SLC25A13: variants seen among roughly 807,000 people sequenced by gnomAD.
SLC25A13 encodes solute carrier family 25 member 13.
SLC25A13 carries 70 observed loss-of-function variants against 85.5 expected under a neutral mutation model. That is an observed-to-expected ratio of 0.82 (90% confidence interval 0.68 to 1.00). The LOEUF is 1.00. Among genes scored for constraint, SLC25A13 ranks in the 50% least tolerant of loss-of-function variants. SLC25A13 has a pLI of 0.00. For synonymous variants in SLC25A13, 259 were observed against 288.7 expected (o/e 0.90, Z 1.04); for missense variants, 765 against 819.8 (o/e 0.93, Z 0.82).
At chr7:96,285,407 A>C (rs902362673) in intron 2 of SLC25A13, among the ~76,000 whole-genome samples, 2 of 152,178 alleles carry the variant, frequency 1.3e-5, no homozygotes, top group Non-Finnish European at 2.9e-5. Flanking sequence ...GATACTCAGC[A>C]TACTTTGAGC....
At chr7:96,149,261 T>C (rs111779771) in intron 13 of SLC25A13, among the ~76,000 whole-genome samples, 57 of 152,310 alleles carry the variant, frequency 3.7e-4, no homozygotes, top group African/African-American at 1.2e-3. Flanking sequence ...ACGAATAACT[T>C]TTATTTGTTT....
In SLC25A13 at chr7:96,317,508, A is replaced by T. The variant is rs536189368; in HGVS notation, c.15+4434T>A. Among the ~76,000 whole-genome samples, 13 of 152,108 alleles carry T rather than the reference A, an allele frequency of 8.5e-5. No homozygotes were observed. The South Asian group carries it at 2.7e-3, about 32-fold the overall frequency. On this transcript the variant is annotated intron_variant, in intron 1 of 17. Transcript: ENST00000265631. ...TAGTTTTTATTACCTGCTGTTAACT[A>T]AATGTAGCCTGTGCTCTCACCTCCC...
At chr7:96,140,397 C>CTTTTTTTTTT (rs59863233) in intron 14 of SLC25A13, among the ~76,000 whole-genome samples, 16 of 88,136 alleles carry the variant, frequency 1.8e-4, no homozygotes, top group Non-Finnish European at 2.4e-4. Flanking sequence ...CAAGGATCTC[C>CTTTTTTTTTT]TTTTTTTTTT....
At chr7:96,270,912 C>T (rs563967675) in intron 3 of SLC25A13, among the ~76,000 whole-genome samples, 19 of 152,198 alleles carry the variant, frequency 1.2e-4, no homozygotes, top group East Asian at 3.9e-4. Flanking sequence ...ATGGCTGCAA[C>T]GCTCCAACCT....
intron 3 of SLC25A13, among the ~76,000 whole-genome samples, chr7:96,247,580 A>T (rs777899926): frequency 1.2e-4 from 19 of 152,284 alleles, no homozygotes; most frequent in Non-Finnish European, 2.2e-4. Flanking sequence ...TTTAATAAGG[A>T]CTAGGGAGAA....
At chr7:96,184,731 C>A (rs972769965) in intron 10 of SLC25A13, among the ~76,000 whole-genome samples, 196 bp downstream of exon 10, 5 of 152,200 alleles carry the variant, frequency 3.3e-5, no homozygotes, top group African/African-American at 1.2e-4. Flanking sequence ...GAAAATGCCA[C>A]TTGTAAGTCC....
Position 96,191,186 on chromosome 7 carries a change from A to C in SLC25A13, c.677T>G (p.Leu226Arg). The change falls in exon 7 of 18, where the codon CTC becomes CGC. Residue 226 changes from leucine (L) to arginine (R), a missense_variant. By Grantham distance (102) the Leu-to-Arg change is moderately radical. Coordinates refer to ENST00000265631, the MANE Select transcript of SLC25A13 (RefSeq NM_014251.3). ...SFSYFNGFNS[L>R]LNNMELIRKI... ...TCTAATGAGTTCCATGTTGTTAAGG[A>C]GCGAATTAAATCCATTAAAATAGGA... 1.2e-6 allele frequency: 2 copies of C among 1,614,098 alleles called. No individual in the cohort carries two copies. Among genetic ancestry groups the C allele is most frequent in the South Asian group, 2.2e-5 (2 of 91,080 alleles).
Position 96,189,628 on chromosome 7 carries a change from C to G in SLC25A13, c.801G>C (p.Met267Ile). 6.2e-7 allele frequency: 1 copy of G among 1,612,500 alleles called. No homozygotes were observed. Among genetic ancestry groups the G allele is most frequent in the Non-Finnish European group, 8.5e-7 (1 of 1,179,842 alleles). The change falls in exon 8 of 18, where the codon ATG (methionine) becomes ATC (isoleucine). Residue 267 changes from methionine to isoleucine, a missense_variant. Transcript: ENST00000265631. ...AAQKFGQVTPMEVDILFQLAD... is the reference protein window; with the variant it reads ...AAQKFGQVTPIEVDILFQLAD... ...CTAACTGAAACAAGATGTCAACTTC[C>G]ATGGGTGTAACCTGACCAAATTTCT...
chr7:96,253,918 T>C (rs548658835), intron 3 of SLC25A13, among the ~76,000 whole-genome samples: 1 of 152,302 alleles, frequency 6.6e-6, no homozygotes, highest in South Asian at 2.1e-4. Flanking sequence ...GCTTACACTA[T>C]GCAGCCATAA....
intron 7 of SLC25A13, among the ~76,000 whole-genome samples, chr7:96,190,802 A>G (rs538307247): frequency 2.6e-4 from 39 of 152,146 alleles, no homozygotes; most frequent in African/African-American, 8.4e-4. Context: ...TAGTAGAGAC[A>G]GGGTTTCACC....
At chr7:96,152,350 C>T (rs1408159331) in intron 13 of SLC25A13, among the ~76,000 whole-genome samples, 1 of 152,090 alleles carries the variant, frequency 6.6e-6, no homozygotes, top group Non-Finnish European at 1.5e-5. Flanking sequence ...GGGGAGAGGG[C>T]TCATCCGGGA....
At chr7:96,321,352 G>A (rs539488995) in intron 1 of SLC25A13, among the ~76,000 whole-genome samples, 2 of 152,300 alleles carry the variant, frequency 1.3e-5, no homozygotes, top group South Asian at 4.1e-4. Flanking sequence ...GGAGGGGGAA[G>A]ATGGGAATGA....
In SLC25A13 at chr7:96,120,581, G is replaced by C; in HGVS notation, c.*610C>G. The C allele has an allele frequency of 2.2e-6, 1 of 454,486 alleles. No individual in the cohort carries two copies. The highest frequency in any genetic ancestry group is 1.6e-5 in the South Asian group (1 of 64,474). The allele number at this position is 454,486 out of a possible 1,614,324, so 28.2% of individuals were successfully genotyped here. A position where few individuals can be genotyped will look rare whatever the true frequency, so the allele number is the denominator to read the frequency against. ...CCTAAAGTACAAAGGCATTTCCCTA[G>C]TAGTCTTGGTACCAGTAACAATATG... is the stretch of plus-strand genomic sequence containing the variant. On this transcript the variant is annotated 3_prime_UTR_variant, in exon 18 of 18. Transcript: ENST00000265631.
intron 7 of SLC25A13, among the ~76,000 whole-genome samples, chr7:96,190,201 C>A (rs1794792018): frequency 6.6e-6 from 1 of 151,514 alleles, no homozygotes; most frequent in African/African-American, 2.4e-5. Flanking sequence ...TCCCCTGCCT[C>A]AGCCTCCCAA....
chr7:96,187,888 A>T (rs572265603), intron 9 of SLC25A13, among the ~76,000 whole-genome samples: 1 of 152,298 alleles, frequency 6.6e-6, no homozygotes, highest in East Asian at 1.9e-4. Flanking sequence ...ATTCCAGGTA[A>T]GGCCATTGTG....
At chr7:96,228,785 C>T (rs1170685874) in intron 4 of SLC25A13, among the ~76,000 whole-genome samples, 2 of 152,162 alleles carry the variant, frequency 1.3e-5, no homozygotes, top group South Asian at 2.1e-4. Context: ...GTGGGCTCCG[C>T]GGGCCCTGCA....
chr7:96,227,114 A>G (rs1230076190), intron 4 of SLC25A13, among the ~76,000 whole-genome samples: 2 of 152,234 alleles, frequency 1.3e-5, no homozygotes, highest in African/African-American at 4.8e-5. Flanking sequence ...CGTTTCTACT[A>G]CCTTCCTTCT....
chr7:96,317,148 T>G (rs1415507214), intron 1 of SLC25A13, among the ~76,000 whole-genome samples: 1 of 151,922 alleles, frequency 6.6e-6, no homozygotes, highest in Non-Finnish European at 1.5e-5. Flanking sequence ...TTGTTTCCTA[T>G]TTTTAGTAGA....
chr7:96,221,984 G>A (rs1281330729), intron 4 of SLC25A13, among the ~76,000 whole-genome samples: 1 of 152,150 alleles, frequency 6.6e-6, no homozygotes, highest in Non-Finnish European at 1.5e-5. Context: ...TTGTTTAGTG[G>A]GAGAGACACA....
Sources: gnomAD v4.1 joint callset for allele counts (sites outside exome capture counted in the v4.1 genomes callset) on GRCh38, gnomAD v4.1.1 for gene constraint, MANE v1.5 for transcripts, NCBI Gene and HGNC (gene_info 2026-07-23, HGNC 2026-07-21) for gene names.